LMNB1: variants seen among roughly 807,000 people sequenced by gnomAD.
The protein encoded by LMNB1 is lamin-B1.
Under a neutral mutation model 67.1 loss-of-function variants are expected in LMNB1, and 23 were observed. The ratio of observed to expected loss-of-function variants is 0.34; its 90% confidence interval spans 0.25 to 0.49. LMNB1 has a LOEUF of 0.49. Among genes scored for constraint, LMNB1 ranks in the 20% least tolerant of loss-of-function variants. The pLI is 0.99. For missense variants in LMNB1, 634 were observed against 746.5 expected (o/e 0.85, Z 1.76); for synonymous variants, 281 against 282.9 (o/e 0.99, Z 0.07).
At chr5:126,817,785 T>G (rs1751750212) in intron 5 of LMNB1, among the ~76,000 whole-genome samples, 1 of 152,216 alleles carries the variant, frequency 6.6e-6, no homozygotes, top group Admixed American at 6.5e-5. Flanking sequence ...CTTCTAGATT[T>G]AGTTTTTGCA....
chr5:126,778,731 T>C (rs1347681327), intron 1 of LMNB1, among the ~76,000 whole-genome samples: 4 of 150,306 alleles, frequency 2.7e-5, no homozygotes, highest in African/African-American at 9.7e-5. Context: ...TTTTGCCTCC[T>C]CGTAGTATAG....
At chr5:126,832,268 CA>C (rs1340050615) in intron 9 of LMNB1, among the ~76,000 whole-genome samples, 10 of 150,622 alleles carry the variant, frequency 6.6e-5, no homozygotes, top group Non-Finnish European at 1.2e-4. Context: ...ACTCTGTCTC[CA>C]AAAAAAGGGA....
intron 9 of LMNB1, among the ~76,000 whole-genome samples, chr5:126,832,319 T>C (rs1752155254): frequency 6.6e-6 from 1 of 151,166 alleles, no homozygotes; most frequent in Admixed American, 6.6e-5. Context: ...TGCTGTCTCT[T>C]TTTTTTTTCT....
intron 1 of LMNB1, among the ~76,000 whole-genome samples, chr5:126,800,982 A>ATATATATAAAATTTTTT: frequency 5.4e-5 from 1 of 18,632 alleles, no homozygotes; most frequent in African/African-American, 1.7e-4. Context: ...TATATATATA[A>ATATATATAAAATTTTTT]TTTTTTTTTT....
At chr5:126,812,196 G>A (rs750514090) in intron 5 of LMNB1, among the ~76,000 whole-genome samples, 4 of 152,124 alleles carry the variant, frequency 2.6e-5, no homozygotes, top group African/African-American at 4.8e-5. Flanking sequence ...CGGATCTTCC[G>A]ACCTGTCTAA....
chr5:126,826,066 G>A lies in LMNB1; in HGVS notation c.1570G>A (p.Gly524Ser). ...GAAGAACCAGAACTCGTGGGGCACT[G>A]GCGAAGATGTGAAGGTTATATTGAA... ...IWKNQNSWGT[G>S]EDVKVILKNS... The change falls in exon 9 of 11, where the codon GGC becomes AGC. Residue 524 changes from glycine to serine, a missense_variant. Physicochemically the swap from Gly to Ser is moderately conservative, Grantham distance 56 (BLOSUM62 0). Transcript: ENST00000261366. The A allele has an allele frequency of 6.2e-7, 1 of 1,614,062 alleles. No individual in the cohort carries two copies. Among genetic ancestry groups the A allele is most frequent in the Non-Finnish European group, 8.5e-7 (1 of 1,179,948 alleles).
intron 3 of LMNB1, among the ~76,000 whole-genome samples, chr5:126,807,081 CAT>C (rs1341252714): frequency 1.3e-5 from 2 of 152,120 alleles, no homozygotes; most frequent in African/African-American, 4.8e-5. Flanking sequence ...CCGGCTCACT[CAT>C]GTGGAAATCT....
chr5:126,784,930 G>A (rs1342387647), intron 1 of LMNB1, among the ~76,000 whole-genome samples: 2 of 151,908 alleles, frequency 1.3e-5, no homozygotes, highest in South Asian at 2.1e-4. Flanking sequence ...CCAAAGTGCT[G>A]GGATTACAGG....
At chr5:126,833,162 T>C (rs190381710) in intron 10 of LMNB1, among the ~76,000 whole-genome samples, 3 of 152,300 alleles carry the variant, frequency 2.0e-5, no homozygotes, top group Admixed American at 1.3e-4. Flanking sequence ...AGAGCAAGAA[T>C]CTGCATATAA....
chr5:126,795,773 C>A (rs1233373958), intron 1 of LMNB1, among the ~76,000 whole-genome samples: 1 of 151,264 alleles, frequency 6.6e-6, no homozygotes, highest in Non-Finnish European at 1.5e-5. Flanking sequence ...TACAGGCATG[C>A]ACAACCACAC....
At chr5:126,781,241 G>A (rs1201918579) in intron 1 of LMNB1, among the ~76,000 whole-genome samples, 1 of 152,060 alleles carries the variant, frequency 6.6e-6, no homozygotes, top group Non-Finnish European at 1.5e-5. Flanking sequence ...AGTGAGCTGA[G>A]ATCACACCAC....
At chr5:126,778,136 C>T (rs1750521779) in intron 1 of LMNB1, among the ~76,000 whole-genome samples, 1 of 152,156 alleles carries the variant, frequency 6.6e-6, no homozygotes, top group Non-Finnish European at 1.5e-5. Context: ...GGTAAGTGCG[C>T]GCCTGGGACT....
intron 8 of LMNB1, among the ~76,000 whole-genome samples, chr5:126,825,748 A>C (rs758489160): frequency 2.0e-5 from 3 of 152,100 alleles, no homozygotes; most frequent in Non-Finnish European, 4.4e-5. Flanking sequence ...CTAGGATGTG[A>C]GTGTAGGCAG....
At position 126,780,269 on chromosome 5, in the gene LMNB1, A is replaced by T. The variant is rs111647101; in HGVS notation, c.359+2402A>T. Among the ~76,000 whole-genome samples the T allele has an allele frequency of 6.0e-3, 906 of 152,246 alleles. 14 individuals are homozygous for T. Among genetic ancestry groups the T allele is most frequent in the African/African-American group, 0.021 (854 of 41,552 alleles). On this transcript the variant is annotated intron_variant, in intron 1 of 10. Transcript: ENST00000261366. ...TGTTAGAGGATATGAAGATTTTTTT[A>T]AAAAAATGAATTACTGTTCTTTGTT...
intron 1 of LMNB1, among the ~76,000 whole-genome samples, chr5:126,782,275 G>A (rs1750651605): frequency 2.0e-5 from 3 of 152,198 alleles, no homozygotes; most frequent in Admixed American, 2.0e-4. Flanking sequence ...GGCCAGATGT[G>A]CTTTGGAAGT....
At chr5:126,796,786 CTTTTTTTT>C (rs34534973) in intron 1 of LMNB1, among the ~76,000 whole-genome samples, 10 of 118,748 alleles carry the variant, frequency 8.4e-5, no homozygotes, top group Admixed American at 3.6e-4. Flanking sequence ...TTTTTTCTTT[CTTTTTTTT>C]TTTTTTTTTT....
At position 126,806,099 on chromosome 5, in the gene LMNB1, C is replaced by T. The variant is rs6861521; in HGVS notation, c.642+403C>T. ...CCTCCCGAGTAGCTGGAACTACAGGCGTGCGCCACCACGCCCAGCTAATTT... is the reference window on the plus strand; with the variant it reads ...CCTCCCGAGTAGCTGGAACTACAGGTGTGCGCCACCACGCCCAGCTAATTT... On this transcript the variant is annotated intron_variant, in intron 3 of 10. Transcript: ENST00000261366. Among the ~76,000 whole-genome samples the T allele has an allele frequency of 5.5e-3, 836 of 152,248 alleles. 10 individuals are homozygous for T. Among genetic ancestry groups the T allele is most frequent in the African/African-American group, 0.019 (786 of 41,554 alleles).
chr5:126,820,831 G>GC, intron 6 of LMNB1, 79 bp from the exon 7 acceptor site: 1 of 1,099,042 alleles, frequency 9.1e-7, no homozygotes, highest in Non-Finnish European at 1.3e-6. Flanking sequence ...CCCAGCCCTT[G>GC]TTTTTTTGTT....
chr5:126,800,943 C>T (rs6873056), intron 1 of LMNB1, among the ~76,000 whole-genome samples: 22,135 of 108,260 alleles, frequency 0.2, 2,525 homozygotes, highest in East Asian at 0.31. Flanking sequence ...TGAGCCATTG[C>T]AGCCAGACTA....
Sources: allele counts gnomAD v4.1 joint callset (sites outside exome capture counted in the v4.1 genomes callset), GRCh38; gene constraint gnomAD v4.1.1; transcripts MANE v1.5; gene names NCBI Gene and HGNC (gene_info 2026-07-23, HGNC 2026-07-21).